Variants in ADAMTS18 observed in about 807,000 individuals in gnomAD.
The protein encoded by ADAMTS18 is ADAM metallopeptidase with thrombospondin type 1 motif 18, also known as A disintegrin and metalloproteinase with thrombospondin motifs 18.
ADAMTS18 carries 157 observed loss-of-function variants against 165.9 expected under a neutral mutation model. The observed-to-expected ratio is 0.95, with a 90% confidence interval of 0.83 to 1.08. The LOEUF is 1.08. ADAMTS18 is among the 50% of genes least tolerant of loss of function. The pLI, the probability that ADAMTS18 is intolerant of heterozygous loss-of-function variation, is 0.00. For missense variants in ADAMTS18, 2,040 were observed against 1,534.0 expected, an observed-to-expected ratio of 1.33 and a Z score of -5.51; for synonymous variants, 782 against 578.2, an observed-to-expected ratio of 1.35 and a Z score of -5.06.
intron 12 of ADAMTS18, among the ~76,000 whole-genome samples, chr16:77,332,236 G>A (rs2144663573): frequency 6.6e-6 from 1 of 152,274 alleles, no homozygotes; most frequent in South Asian, 2.1e-4. Context: ...AAATTATGTT[G>A]TAAATTAAAT....
intron 3 of ADAMTS18, among the ~76,000 whole-genome samples, chr16:77,409,051 C>G (rs1034097697): frequency 4.0e-5 from 6 of 151,754 alleles, no homozygotes; most frequent in Admixed American, 1.3e-4. Context: ...TATATATATA[C>G]ACACATATAT....
chr16:77,409,010 A>C (rs1420060313), intron 3 of ADAMTS18, among the ~76,000 whole-genome samples: 3 of 102,398 alleles, frequency 2.9e-5, no homozygotes, highest in Admixed American at 9.0e-5. Context: ...TACTGTGCCT[A>C]ATTTATGTTA....
intron 3 of ADAMTS18, among the ~76,000 whole-genome samples, chr16:77,403,391 T>A (rs114871417): frequency 0.01 from 1,537 of 152,274 alleles, 26 homozygotes; most frequent in African/African-American, 0.034. Flanking sequence ...TCACAACAAT[T>A]TTATCAAGTG....
intron 3 of ADAMTS18, among the ~76,000 whole-genome samples, chr16:77,419,885 G>A (rs1236320078): frequency 6.6e-6 from 1 of 151,242 alleles, no homozygotes. Flanking sequence ...TGTAATCCCA[G>A]CTACTTGGGA....
intron 16 of ADAMTS18, among the ~76,000 whole-genome samples, chr16:77,317,606 G>C (rs2055911264): frequency 6.6e-6 from 1 of 152,244 alleles, no homozygotes; most frequent in Non-Finnish European, 1.5e-5. Flanking sequence ...CTAATGTGTG[G>C]ACATTTTCAC....
intron 16 of ADAMTS18, among the ~76,000 whole-genome samples, chr16:77,315,957 T>G (rs910443388): frequency 6.6e-6 from 1 of 152,202 alleles, no homozygotes; most frequent in African/African-American, 2.4e-5. Flanking sequence ...CTAAACCTGT[T>G]TCCAGTCATC....
rs1271534660 is a variant in ADAMTS18 at position 77,434,801 on chromosome 16, G to T, written c.-106C>A. On this transcript the variant is annotated 5_prime_UTR_variant, in exon 1 of 23. Coordinates refer to ENST00000282849, the MANE Select transcript of ADAMTS18 (RefSeq NM_199355.4). Reference sequence around the variant, plus strand: ...CCCGGAGCTCGGCGCCCCAGGTGCGGCTCCAGGTGAGAGCCGCCGCCGTTC... The same window carrying T: ...CCCGGAGCTCGGCGCCCCAGGTGCGTCTCCAGGTGAGAGCCGCCGCCGTTC... 1.0e-5 allele frequency: 10 copies of T among 1,002,636 alleles called. No homozygotes were observed. The highest frequency in any genetic ancestry group is 1.3e-5 in the Non-Finnish European group (10 of 763,922). The allele number at this position is 1,002,636 out of a possible 1,614,324, so 62.1% of individuals were successfully genotyped here.
At chr16:77,327,426 A>G (rs1417533824) in intron 12 of ADAMTS18, among the ~76,000 whole-genome samples, 5 of 152,202 alleles carry the variant, frequency 3.3e-5, no homozygotes, top group Admixed American at 3.3e-4. Context: ...ATGAGAACAT[A>G]CAATGTTTGG....
rs533581778 is a variant in ADAMTS18 at position 77,430,446 on chromosome 16, G to A, written c.495+849C>T. ...CTTGCTTTGTGCCATGATGTACCATGTACATTACTCACTACATCCTCACTT... is the reference window on the plus strand; with the variant it reads ...CTTGCTTTGTGCCATGATGTACCATATACATTACTCACTACATCCTCACTT... On this transcript the variant is annotated intron_variant, in intron 3 of 22. Transcript: ENST00000282849. Among the ~76,000 whole-genome samples the A allele has an allele frequency of 3.3e-5, 5 of 152,294 alleles. No homozygotes were observed. The East Asian group carries it at 7.7e-4, about 24-fold the overall frequency.
At chr16:77,393,700 C>T (rs1267625196) in intron 3 of ADAMTS18, among the ~76,000 whole-genome samples, 1 of 152,202 alleles carries the variant, frequency 6.6e-6, no homozygotes, top group African/African-American at 2.4e-5. Context: ...CCTCAGACGT[C>T]CAGTTTCCAG....
chr16:77,327,219 GGTT>G, intron 12 of ADAMTS18, among the ~76,000 whole-genome samples: 1 of 152,140 alleles, frequency 6.6e-6, no homozygotes, highest in South Asian at 2.1e-4. Context: ...TATTTCAATA[GGTT>G]GTTTGGTTAC....
intron 12 of ADAMTS18, among the ~76,000 whole-genome samples, chr16:77,330,942 C>T (rs996036340): frequency 2.6e-5 from 4 of 152,164 alleles, no homozygotes; most frequent in Non-Finnish European, 5.9e-5. Flanking sequence ...GAAAAAACAG[C>T]ATTACTGCAA....
At chr16:77,412,322 A>G (rs1464097233) in intron 3 of ADAMTS18, among the ~76,000 whole-genome samples, 1 of 152,084 alleles carries the variant, frequency 6.6e-6, no homozygotes, top group Non-Finnish European at 1.5e-5. Context: ...TAATATTATA[A>G]TAGTATAATA....
chr16:77,398,815 A>G (rs1162862563), intron 3 of ADAMTS18, among the ~76,000 whole-genome samples: 1 of 152,216 alleles, frequency 6.6e-6, no homozygotes, highest in Non-Finnish European at 1.5e-5. Flanking sequence ...TTGTAGGTAG[A>G]AAACAGATGA....
intron 7 of ADAMTS18, among the ~76,000 whole-genome samples, chr16:77,361,787 G>C (rs2056717722): frequency 6.6e-6 from 1 of 152,166 alleles, no homozygotes; most frequent in Non-Finnish European, 1.5e-5. Flanking sequence ...GGGAGGCTGA[G>C]GCAGAAGAAT....
At chr16:77,337,903 C>CTT (rs1468185519) in intron 11 of ADAMTS18, among the ~76,000 whole-genome samples, 1 of 120,924 alleles carries the variant, frequency 8.3e-6, no homozygotes, top group African/African-American at 2.8e-5. Flanking sequence ...CTTTTCTTTT[C>CTT]TTTTCTTTTT....
chr16:77,364,623 T>C (rs2056765690), intron 4 of ADAMTS18, among the ~76,000 whole-genome samples: 1 of 146,344 alleles, frequency 6.8e-6, no homozygotes, highest in Non-Finnish European at 1.5e-5. Flanking sequence ...ACAGGATAGA[T>C]GGATGGATGA....
chr16:77,319,858 C>T lies in ADAMTS18; in HGVS notation c.2523G>A (p.Leu841=), dbSNP rs763605412. 42 of 1,614,032 alleles carry T rather than the reference C, an allele frequency of 2.6e-5. No individual in the cohort carries two copies. The highest frequency in any genetic ancestry group is 4.0e-5 in the African/African-American group (3 of 74,922). The change falls in exon 16 of 23, where the codon CTG becomes CTA. Residue 841 remains leucine, a synonymous_variant. Coordinates refer to ENST00000282849, the MANE Select transcript of ADAMTS18 (RefSeq NM_199355.4). The part of the protein sequence containing the change: ...LYAPGPTNET[L]VFEILMQGKN... ...CACAGAAGGGGCTTACTTCAAAGAC[C>T]AGCGTCTCATTTGTGGGCCCTGGCG...
At chr16:77,365,384 A>C (rs975376686) in intron 4 of ADAMTS18, among the ~76,000 whole-genome samples, 4 of 152,364 alleles carry the variant, frequency 2.6e-5, no homozygotes, top group Non-Finnish European at 5.9e-5. Flanking sequence ...AAATGTAAAC[A>C]GCTCTAAAAT....
Sources: allele counts gnomAD v4.1 joint callset (sites outside exome capture counted in the v4.1 genomes callset), GRCh38; gene constraint gnomAD v4.1.1; transcripts MANE v1.5; gene names NCBI Gene and HGNC (gene_info 2026-07-23, HGNC 2026-07-21).